The following FLT3 variants were observed in gnomAD, a reference collection of about 807,000 sequenced individuals.
FLT3 encodes receptor-type tyrosine-protein kinase FLT3.
Under a neutral mutation model 126.6 loss-of-function variants are expected in FLT3, and 46 were observed. That is an observed-to-expected ratio of 0.36 (90% CI 0.29 to 0.46). FLT3 has a LOEUF of 0.46. FLT3 is among the 20% of genes least tolerant of loss of function. The pLI is 1.00. For missense variants in FLT3, 1,069 were observed against 1,190.3 expected (o/e 0.90, Z 1.50); for synonymous variants, 404 against 434.4 (o/e 0.93, Z 0.87).
At chr13:28,082,589 A>G (rs960367412) in intron 1 of FLT3, among the ~76,000 whole-genome samples, 2 of 151,638 alleles carry the variant, frequency 1.3e-5, no homozygotes, top group African/African-American at 4.9e-5. Flanking sequence ...TCCACCTCCC[A>G]TGCTCAAGGG....
At chr13:28,035,795 C>G in intron 11 of FLT3, 122 bp from the exon 12 acceptor site, 1 of 1,223,912 alleles carries the variant, frequency 8.2e-7, no homozygotes, top group Non-Finnish European at 1.2e-6. Flanking sequence ...CAGTCTATGA[C>G]TATTGAGAGT....
chr13:28,015,077 C>CT (rs1018168734), intron 22 of FLT3, 80 bp downstream of exon 22: 90 of 861,446 alleles, frequency 1.0e-4, no homozygotes, highest in Admixed American at 4.0e-4. Flanking sequence ...AGGAGTTTGA[C>CT]TTTTTTTGGT....
intron 23 of FLT3, among the ~76,000 whole-genome samples, chr13:28,011,643 G>A (rs114064255): frequency 1.8e-3 from 27 of 14,644 alleles, no homozygotes; most frequent in African/African-American, 4.6e-3. Context: ...CCTCCCACCC[G>A]GGGAGGGGGG....
chr13:28,036,279 A>G (rs1365947083), intron 10 of FLT3, among the ~76,000 whole-genome samples: 1 of 152,110 alleles, frequency 6.6e-6, no homozygotes, highest in Non-Finnish European at 1.5e-5. Flanking sequence ...CTACCCATTT[A>G]CTCCAGGGCA....
At chr13:28,091,659 G>C (rs768939507) in intron 1 of FLT3, among the ~76,000 whole-genome samples, 7 of 152,122 alleles carry the variant, frequency 4.6e-5, no homozygotes, top group Non-Finnish European at 8.8e-5. Context: ...GTGAGGCTGG[G>C]TGCAGTGGCT....
Position 28,060,211 on chromosome 13 carries a change from A to G in FLT3, c.368+1656T>C, listed in dbSNP as rs1419617496. 4.8e-5 allele frequency among the ~76,000 whole-genome samples: 7 copies of G among 147,296 alleles called. No individual in the cohort carries two copies. The Admixed American group carries it at 4.8e-4, about 10-fold the overall frequency. On this transcript the variant is annotated intron_variant, in intron 3 of 23. Transcript: ENST00000241453. ...GGAGTTTGAGATCAGACTGGCCAAC[A>G]TGATGAAACCCTGTCTCTACTAAAA...
intron 3 of FLT3, among the ~76,000 whole-genome samples, chr13:28,058,232 C>G (rs9551429): frequency 9.4e-6 from 1 of 106,068 alleles, no homozygotes; most frequent in South Asian, 3.2e-4. Flanking sequence ...AAAAAAAAAA[C>G]GGCCAGGTAC....
At chr13:28,038,083 C>T (rs911088027) in intron 9 of FLT3, among the ~76,000 whole-genome samples, 3 of 152,224 alleles carry the variant, frequency 2.0e-5, no homozygotes, top group African/African-American at 7.2e-5. Flanking sequence ...CTATGACCAA[C>T]CCTTGACTTA....
intron 1 of FLT3, among the ~76,000 whole-genome samples, chr13:28,082,253 C>G (rs1878376309): frequency 1.3e-5 from 2 of 152,024 alleles, no homozygotes; most frequent in African/African-American, 4.8e-5. Flanking sequence ...TGGGCTCAAA[C>G]AGTTTTCCCA....
intron 9 of FLT3, among the ~76,000 whole-genome samples, chr13:28,043,329 C>A (rs537022507): frequency 1.7e-4 from 26 of 152,116 alleles, no homozygotes; most frequent in Admixed American, 6.5e-4. Flanking sequence ...ACCAGGACGG[C>A]TAGAAAGTTA....
chr13:28,086,113 C>G (rs1050490325), intron 1 of FLT3, among the ~76,000 whole-genome samples: 4 of 152,094 alleles, frequency 2.6e-5, no homozygotes, highest in Non-Finnish European at 5.9e-5. Context: ...TTTAAATCTA[C>G]TATATTGTTC....
chr13:28,008,319 A>G (rs966176216), intron 23 of FLT3, among the ~76,000 whole-genome samples: 1 of 145,144 alleles, frequency 6.9e-6, no homozygotes, highest in Non-Finnish European at 1.5e-5. Context: ...TTAGCTATTG[A>G]TTTTCATTTT....
intron 2 of FLT3, among the ~76,000 whole-genome samples, chr13:28,069,943 A>G (rs1195986271): frequency 3.3e-5 from 5 of 151,982 alleles, no homozygotes; most frequent in East Asian, 1.9e-4. Context: ...GTGGGACCCC[A>G]TCTTTGCAAA....
At chr13:28,057,602 C>T in intron 3 of FLT3, 140 bp from the exon 4 acceptor site, 1 of 616,196 alleles carries the variant, frequency 1.6e-6, no homozygotes, top group Non-Finnish European at 2.9e-6. Flanking sequence ...AACACAGCTT[C>T]TGTCATGTGC....
chr13:28,083,485 G>C (rs531674444), intron 1 of FLT3, among the ~76,000 whole-genome samples: 31 of 152,270 alleles, frequency 2.0e-4, no homozygotes, highest in Non-Finnish European at 2.9e-5. Flanking sequence ...TTTGGTATTA[G>C]AGTAATGCTG....
chr13:28,063,392 A>G (rs1475811452), intron 2 of FLT3, among the ~76,000 whole-genome samples: 1 of 152,192 alleles, frequency 6.6e-6, no homozygotes, highest in African/African-American at 2.4e-5. Context: ...AGGCAGGAGA[A>G]TCACTTGAAC....
chr13:28,100,443 T>TGAGA lies in FLT3; in HGVS notation c.43+24_43+25insTCTC. The stretch of plus-strand genomic sequence containing the variant: ...TGGGGGCTGAGGGACCGCGAGGGGC[T>TGAGA]GCGAGCGAGCGAGCGGGGCCTTACC... On this transcript the variant is annotated intron_variant, in intron 1 of 23. Transcript: ENST00000241453. The surrounding 1 kb of genome is among the most constrained non-coding windows in gnomAD (Gnocchi z 4.8). 8.2e-7 allele frequency: 1 copy of TGAGA among 1,214,112 alleles called. No homozygotes were observed. The highest frequency in any genetic ancestry group is 1.0e-6 in the Non-Finnish European group (1 of 976,426). The allele number at this position is 1,214,112 out of a possible 1,614,324, so 75.2% of individuals were successfully genotyped here.
chr13:28,061,339 G>A (rs1483762767), intron 3 of FLT3, among the ~76,000 whole-genome samples: 1 of 112,818 alleles, frequency 8.9e-6, no homozygotes, highest in Non-Finnish European at 1.8e-5. Flanking sequence ...CTGGATGACA[G>A]AGCGAGATAG....
intron 19 of FLT3, among the ~76,000 whole-genome samples, chr13:28,022,444 A>G (rs1379014092): frequency 6.6e-6 from 1 of 152,076 alleles, no homozygotes; most frequent in Non-Finnish European, 1.5e-5. Flanking sequence ...CCCAGGAAGC[A>G]GAGGTTGTAG....
Sources: gnomAD v4.1 joint callset for allele counts (sites outside exome capture counted in the v4.1 genomes callset) on GRCh38, gnomAD v4.1.1 for gene constraint, Gnocchi (gnomAD v3.1) non-coding constraint, MANE v1.5 for transcripts, NCBI Gene and HGNC (gene_info 2026-07-23, HGNC 2026-07-21) for gene names.